Variants in CD180 observed in about 807,000 individuals in gnomAD.
The protein encoded by CD180 is CD180 molecule.
CD180 carries 11 observed loss-of-function variants against 10.7 expected under a neutral mutation model. The ratio of observed to expected loss-of-function variants is 1.03; its 90% CI spans 0.65 to 1.70. The LOEUF (loss-of-function observed/expected upper bound fraction) is 1.70. Among genes scored for constraint, CD180 ranks in the 40% most tolerant of loss-of-function variants. The probability of loss-of-function intolerance (pLI) is 0.00; values close to 1 mark genes in which losing one functional copy is unlikely to be tolerated. For missense variants in CD180, 729 were observed against 775.2 expected (o/e 0.94, Z 0.71); for synonymous variants, 286 against 294.6 (o/e 0.97, Z 0.30).
chr5:67,193,138 A>G (rs978948315), intron 1 of CD180, among the ~76,000 whole-genome samples: 1 of 152,218 alleles, frequency 6.6e-6, no homozygotes, highest in African/African-American at 2.4e-5. Context: ...CAGTTTGCGA[A>G]CTGTTCATTG....
rs767231042 is a variant in CD180, at chr5:67,184,240, G to A, written c.603C>T (p.Asn201=). Residue 201 remains asparagine, a synonymous_variant, in exon 3 of 3, where the codon AAC becomes AAT. Coordinates refer to ENST00000256447, the MANE Select transcript of CD180 (RefSeq NM_005582.3). ...TATTGCCATTGAAGTTCAGGCTTAG[G>A]TTGATGGCCTGCTCCAGAGACCTCA... ...EDMRSLEQAI[N]LSLNFNGNNV... 9.9e-6 allele frequency: 16 copies of A among 1,613,998 alleles called. No individual in the cohort carries two copies. The East Asian group carries it at 1.8e-4, about 18-fold the overall frequency.
At chr5:67,191,268 T>C (rs566977334) in intron 1 of CD180, among the ~76,000 whole-genome samples, 1 of 152,332 alleles carries the variant, frequency 6.6e-6, no homozygotes, top group East Asian at 1.9e-4. Flanking sequence ...TCTCTGAGCC[T>C]CCCTTTTCCT....
At chr5:67,188,626 G>T (rs1742246537) in intron 1 of CD180, among the ~76,000 whole-genome samples, 1 of 152,220 alleles carries the variant, frequency 6.6e-6, no homozygotes, top group South Asian at 2.1e-4. Flanking sequence ...TGCTTAGTGA[G>T]AAACAGAACT....
In CD180 at chr5:67,185,772, G is replaced by T. The variant is rs1042765859; in HGVS notation, c.257+79C>A. 1.6e-5 allele frequency: 18 copies of T among 1,111,856 alleles called. 1 individual carries two copies. The East Asian group carries it at 1.6e-4, about 10-fold the overall frequency. The allele number at this position is 1,111,856 out of a possible 1,614,324, so 68.9% of individuals were successfully genotyped here. On this transcript the variant is annotated intron_variant, in intron 2 of 2. Coordinates refer to ENST00000256447, the MANE Select transcript of CD180 (RefSeq NM_005582.3). ...GATTGTCCCTGGGCCCCCCAAAAAG[G>T]TCCTGCAAATAAATTAAGCACATAC...
At chr5:67,195,753 TC>T (rs1039995620) in intron 1 of CD180, among the ~76,000 whole-genome samples, 2 of 152,234 alleles carry the variant, frequency 1.3e-5, no homozygotes, top group Non-Finnish European at 2.9e-5. Context: ...ATCTGGCTAT[TC>T]CTGGCTCTTA....
chr5:67,185,765 C>CA, intron 2 of CD180, 86 bp downstream of exon 2: 1 of 1,043,304 alleles, frequency 9.6e-7, no homozygotes, highest in South Asian at 2.4e-5. Flanking sequence ...CTGGGCCCCC[C>CA]AAAAAGGTCC....
At chr5:67,187,114 G>A (rs1378375555) in intron 1 of CD180, among the ~76,000 whole-genome samples, 2 of 152,114 alleles carry the variant, frequency 1.3e-5, no homozygotes, top group African/African-American at 4.8e-5. Flanking sequence ...TGGACTTGTG[G>A]TTATTTAAAA....
chr5:67,186,248 C>T (rs777941137), intron 1 of CD180: 13 of 290,550 alleles, frequency 4.5e-5, no homozygotes, highest in Non-Finnish European at 6.3e-5. Context: ...ACTACTTGAA[C>T]AAAACATGGT....
chr5:67,185,259 T>C (rs1205508432), intron 2 of CD180, among the ~76,000 whole-genome samples: 1 of 136,438 alleles, frequency 7.3e-6, no homozygotes, highest in African/African-American at 2.9e-5. Flanking sequence ...GGGTGCAGAC[T>C]GCAGGTACAC....
In CD180 at chr5:67,182,647, T is replaced by A. The variant is rs190682990; in HGVS notation, c.*210A>T. 39 of 479,362 alleles carry A rather than the reference T, an allele frequency of 8.1e-5. No homozygotes were observed. The East Asian group carries it at 1.4e-3, about 17-fold the overall frequency. The allele number at this position is 479,362 out of a possible 1,614,324, so 29.7% of individuals were successfully genotyped here. A position where few individuals can be genotyped will look rare whatever the true frequency, so the allele number is the denominator to read the frequency against. On this transcript the variant is annotated 3_prime_UTR_variant, in exon 3 of 3. Coordinates refer to ENST00000256447, the MANE Select transcript of CD180 (RefSeq NM_005582.3). Reference sequence around the variant, plus strand: ...TGCCTCTCACAGCAGCATCTGACCCTCTGGACTGAGTCATTCGGTGTACTT... The same window carrying A: ...TGCCTCTCACAGCAGCATCTGACCCACTGGACTGAGTCATTCGGTGTACTT...
At chr5:67,195,983 A>G (rs1742394657) in intron 1 of CD180, among the ~76,000 whole-genome samples, 1 of 152,214 alleles carries the variant, frequency 6.6e-6, no homozygotes, top group Admixed American at 6.5e-5. Flanking sequence ...CCACAGGTTG[A>G]TAAATATTGC....
In CD180 at chr5:67,183,790, G is replaced by A. The variant is rs773527391; in HGVS notation, c.1053C>T (p.Tyr351=). 3 of 1,613,902 alleles carry A rather than the reference G, an allele frequency of 1.9e-6. No homozygotes were observed. Among genetic ancestry groups the A allele is most frequent in the African/African-American group, 1.3e-5 (1 of 74,922 alleles). ...GAAGTTTCTTCACGTTGCCTCTGATGTAGAGGTGTGTAAGGGAGGGGAAAT... is the reference window on the plus strand; with the variant it reads ...GAAGTTTCTTCACGTTGCCTCTGATATAGAGGTGTGTAAGGGAGGGGAAAT... ...AANFPSLTHL[Y]IRGNVKKLHL... The change falls in exon 3 of 3, where the codon TAC becomes TAT. Residue 351 remains tyrosine (Y), a synonymous_variant. Coordinates refer to ENST00000256447, the MANE Select transcript of CD180 (RefSeq NM_005582.3).
In CD180 at chr5:67,186,166, G is replaced by A. The variant is rs977401285; in HGVS notation, c.91-149C>T. ...ACTTGCCAAAAACAAGATGATGAAT[G>A]CACATTGTTAACTGTAGTACTTTTT... On this transcript the variant is annotated intron_variant, in intron 1 of 2. Coordinates refer to ENST00000256447, the MANE Select transcript of CD180 (RefSeq NM_005582.3). 13 of 492,964 alleles carry A rather than the reference G, an allele frequency of 2.6e-5. No homozygotes were observed. The South Asian group carries it at 5.0e-4, about 19-fold the overall frequency. The allele number at this position is 492,964 out of a possible 1,614,324, so 30.5% of individuals were successfully genotyped here. A position where few individuals can be genotyped will look rare whatever the true frequency, so the allele number is the denominator to read the frequency against.
intron 1 of CD180, among the ~76,000 whole-genome samples, chr5:67,195,300 T>C (rs1200635013): frequency 6.6e-6 from 1 of 152,214 alleles, no homozygotes; most frequent in Admixed American, 6.5e-5. Flanking sequence ...CACTGCAACC[T>C]CTGCCTCCCG....
At chr5:67,196,505 AT>A (rs1742406748) in intron 1 of CD180, 46 bp downstream of exon 1, 1 of 1,605,020 alleles carries the variant, frequency 6.2e-7, no homozygotes, top group Non-Finnish European at 8.5e-7. Context: ...AAATCTCAAA[AT>A]TTTCAGACAG....
At chr5:67,192,186 C>T (rs1192238525) in intron 1 of CD180, among the ~76,000 whole-genome samples, 13 of 152,010 alleles carry the variant, frequency 8.6e-5, no homozygotes, top group Non-Finnish European at 5.9e-5. Flanking sequence ...GTCAGGAGAT[C>T]GAGACCATCC....
In CD180 at chr5:67,183,376, G is replaced by A; in HGVS notation, c.1467C>T (p.Thr489=). The A allele has an allele frequency of 6.2e-7, 1 of 1,614,184 alleles. No individual in the cohort carries two copies. Among genetic ancestry groups the A allele is most frequent in the Non-Finnish European group, 8.5e-7 (1 of 1,180,020 alleles). The change falls in exon 3 of 3, where the codon ACC becomes ACT. Residue 489 remains threonine, a synonymous_variant. Coordinates refer to ENST00000256447, the MANE Select transcript of CD180 (RefSeq NM_005582.3). ...AGCTGCCCACGGTCTGAAGTAGGTT[G>A]GTCTTCGTGATAGTCCCATCTTGAA... ...NHFQDGTITK[T]NLLQTVGSLE... is the part of the protein sequence containing the mutation.
intron 1 of CD180, 64 bp from the exon 2 acceptor site, chr5:67,186,081 TTA>T (rs1742188589): frequency 2.8e-6 from 3 of 1,061,330 alleles, no homozygotes; most frequent in South Asian, 2.1e-5. Context: ...TCTAGCAAAA[TTA>T]TATATGTTTT....
Position 67,181,414 on chromosome 5 carries a change from G to A in CD180, c.*1443C>T, listed in dbSNP as rs1023509231. 1 of 152,202 alleles carries A rather than the reference G, an allele frequency of 6.6e-6. No homozygotes were observed. Among genetic ancestry groups the A allele is most frequent in the African/African-American group, 2.4e-5 (1 of 41,438 alleles). The allele number at this position is 152,202 out of a possible 1,614,324, so 9.4% of individuals were successfully genotyped here. On this transcript the variant is annotated 3_prime_UTR_variant, in exon 3 of 3. Transcript: ENST00000256447. ...CCTGAAATCCCTGAGCAGAGAAGAG[G>A]TTCACCCACTGCTGTTCCCTGCCTG... is the stretch of plus-strand genomic sequence containing the variant.
Sources: gnomAD v4.1 joint callset for allele counts (sites outside exome capture counted in the v4.1 genomes callset) on GRCh38, gnomAD v4.1.1 for gene constraint, MANE v1.5 for transcripts, NCBI Gene and HGNC (gene_info 2026-07-23, HGNC 2026-07-21) for gene names.